MIGA2: variants seen among roughly 807,000 people sequenced by gnomAD.
MIGA2 encodes mitoguardin 2.
A neutral mutation model predicts 69.9 loss-of-function variants in MIGA2; 36 were observed. That is an observed-to-expected ratio of 0.52 (90% CI 0.39 to 0.68). The LOEUF (loss-of-function observed/expected upper bound fraction) is 0.68. Among genes scored for constraint, MIGA2 ranks in the 30% least tolerant of loss-of-function variants. The probability of loss-of-function intolerance (pLI) is 0.00; values close to 1 mark genes in which losing one functional copy is unlikely to be tolerated. For missense variants in MIGA2, 660 were observed against 787.7 expected (o/e 0.84, Z 1.94); for synonymous variants, 333 against 349.2 (o/e 0.95, Z 0.52).
In MIGA2 at chr9:129,069,119, G is replaced by A. The variant is rs1846524226; in HGVS notation, c.1448G>A (p.Arg483Lys). Residue 483 changes from arginine (R) to lysine (K), a missense_variant, in exon 14 of 16, where the codon AGG (arginine) becomes AAG (lysine). Physicochemically the swap from Arg to Lys is conservative, Grantham distance 26. Coordinates refer to ENST00000684074, the MANE Select transcript of MIGA2 (RefSeq NM_001329990.2). This position sits in a 1 kb window ranked among gnomAD's most constrained non-coding sequence, Gnocchi z 4.9. ...TGGTCGGTCCTGAAAGCCAAGAGGA[G>A]GCTGCTGATGGTGAGTGACTGGCAG... ...ACWSVLKAKR[R>K]LLMVPDGFIS... 2.5e-6 allele frequency: 4 copies of A among 1,613,900 alleles called. No homozygotes were observed. The highest frequency in any genetic ancestry group is 3.4e-6 in the Non-Finnish European group (4 of 1,179,984).
intron 3 of MIGA2, among the ~76,000 whole-genome samples, chr9:129,046,144 C>T (rs865993152): frequency 1.6e-4 from 25 of 152,042 alleles, no homozygotes; most frequent in Admixed American, 3.3e-4. Context: ...TGAGCCACTG[C>T]GCCCGGCCTA....
rs1177072456 is a variant in MIGA2, at chr9:129,060,788, C to G, written c.894+138C>G. On this transcript the variant is annotated intron_variant, in intron 8 of 15. Transcript: ENST00000684074. The surrounding 1 kb of genome is among the most constrained non-coding windows in gnomAD (Gnocchi z 4.8). ...GAATTTGGATGCTCCCACGGGCCTC[C>G]TCGAAGCTGTTGGGGATGGGGGGTG... 1.3e-6 allele frequency: 1 copy of G among 742,742 alleles called. No homozygotes were observed. The highest frequency in any genetic ancestry group is 1.8e-5 in the African/African-American group (1 of 56,544). 46.0% of individuals were successfully genotyped at this position (742,742 alleles called of 1,614,324 possible).
chr9:129,047,422 T>A (rs1267855403), intron 3 of MIGA2, among the ~76,000 whole-genome samples: 2 of 141,680 alleles, frequency 1.4e-5, no homozygotes, highest in Non-Finnish European at 3.0e-5. Context: ...TTTCATTAAA[T>A]TTTTTTTTTT....
chr9:129,066,576 A>C (rs1846356074), intron 11 of MIGA2, among the ~76,000 whole-genome samples: 1 of 147,446 alleles, frequency 6.8e-6, no homozygotes, highest in South Asian at 2.1e-4. Context: ...CGGGAGGCTG[A>C]GGCAGGAGAA....
chr9:129,063,750 G>A (rs1460956176), intron 11 of MIGA2, 119 bp downstream of exon 11: 9 of 909,440 alleles, frequency 9.9e-6, no homozygotes, highest in African/African-American at 1.7e-5. Context: ...CTCCTACTCC[G>A]TTCTGTAGAC....
In MIGA2 at chr9:129,051,301, C is replaced by T. The variant is rs192482100; in HGVS notation, c.675+1338C>T. ...ATTTATTTATTTTTTTTTTTGGAGA[C>T]GGAGTCTCACTCTGTTGCCAGGCTG... On this transcript the variant is annotated intron_variant, in intron 6 of 15. Coordinates refer to ENST00000684074, the MANE Select transcript of MIGA2 (RefSeq NM_001329990.2). 2.5e-4 allele frequency: 44 copies of T among 176,856 alleles called. No individual in the cohort carries two copies. The East Asian group carries it at 5.7e-3, about 23-fold the overall frequency. The allele number at this position is 176,856 out of a possible 1,614,324, so 11.0% of individuals were successfully genotyped here.
intron 11 of MIGA2, 24 bp downstream of exon 11, chr9:129,063,655 G>GGGGGGGGGCCC: frequency 1.5e-6 from 1 of 645,730 alleles, no homozygotes; most frequent in Non-Finnish European, 2.9e-6. Context: ...GGGTGGGGGG[G>GGGGGGGGGCCC]CAAATTATAA....
At chr9:129,049,601 C>T in intron 5 of MIGA2, 103 bp downstream of exon 5, 4 of 1,296,514 alleles carry the variant, frequency 3.1e-6, no homozygotes, top group Non-Finnish European at 4.4e-6. Flanking sequence ...CCTCACTACC[C>T]TGCCCCAAAT....
At chr9:129,066,470 C>A (rs767317555) in intron 11 of MIGA2, among the ~76,000 whole-genome samples, 16 of 151,744 alleles carry the variant, frequency 1.1e-4, no homozygotes, top group Non-Finnish European at 2.1e-4. Flanking sequence ...GTCAGGAGAT[C>A]AAGACCATCC....
chr9:129,046,989 G>A (rs1322829359), intron 3 of MIGA2: 1 of 151,784 alleles, frequency 6.6e-6, no homozygotes, highest in Non-Finnish European at 1.5e-5. Context: ...ATGTTGGCCA[G>A]GCTGGTCTTG....
chr9:129,050,574 T>G (rs1044086198), intron 6 of MIGA2, among the ~76,000 whole-genome samples: 1 of 137,094 alleles, frequency 7.3e-6, no homozygotes, highest in African/African-American at 2.7e-5. Context: ...TACCCAGCTG[T>G]TTTTTTTTTT....
rs889608910 is a variant in MIGA2, at chr9:129,060,223, C to T, written c.794-327C>T. ...CGGGGCCACACAGTTCAAGGTCCTC[C>T]CCCTGCAGAGCTTGGGCCTTCAGGC... On this transcript the variant is annotated intron_variant, in intron 7 of 15. Coordinates refer to ENST00000684074, the MANE Select transcript of MIGA2 (RefSeq NM_001329990.2). This position sits in a 1 kb window ranked among gnomAD's most constrained non-coding sequence, Gnocchi z 4.8. 1.3e-5 allele frequency among the ~76,000 whole-genome samples: 2 copies of T among 152,154 alleles called. No individual in the cohort carries two copies. Among genetic ancestry groups the T allele is most frequent in the Non-Finnish European group, 2.9e-5 (2 of 68,020 alleles).
intron 3 of MIGA2, among the ~76,000 whole-genome samples, chr9:129,045,757 A>G (rs2131349163): frequency 6.6e-6 from 1 of 152,272 alleles, no homozygotes; most frequent in Middle Eastern, 3.4e-3. Context: ...AAAAAATAAG[A>G]AGCAAAAGTC....
intron 6 of MIGA2, among the ~76,000 whole-genome samples, chr9:129,050,420 G>A (rs747507497): frequency 2.0e-5 from 3 of 151,974 alleles, no homozygotes; most frequent in Middle Eastern, 3.4e-3. Flanking sequence ...GATTATAGGC[G>A]CCCGCCACCA....
intron 3 of MIGA2, 45 bp from the exon 4 acceptor site, chr9:129,048,382 C>A (rs1845342599): frequency 1.3e-6 from 2 of 1,497,296 alleles, no homozygotes; most frequent in Admixed American, 1.7e-5. Flanking sequence ...CGTGTAAAGG[C>A]CACAGGGGAT....
At position 129,068,050 on chromosome 9, in the gene MIGA2, C is replaced by T; in HGVS notation, c.1270-148C>T. The T allele has an allele frequency of 1.5e-6, 2 of 1,303,000 alleles. No individual in the cohort carries two copies. The highest frequency in any genetic ancestry group is 1.9e-5 in the Admixed American group (1 of 53,682). 80.7% of individuals were successfully genotyped at this position (1,303,000 alleles called of 1,614,324 possible). Reference sequence around the variant, plus strand: ...GCAGAGGGAGGAATGGCCTCAGCTACACCCGTTGCACAGCAGAGCGGGAAA... The same window carrying T: ...GCAGAGGGAGGAATGGCCTCAGCTATACCCGTTGCACAGCAGAGCGGGAAA... On this transcript the variant is annotated intron_variant, in intron 12 of 15. Transcript: ENST00000684074. The surrounding 1 kb of genome is among the most constrained non-coding windows in gnomAD (Gnocchi z 4.1).
chr9:129,050,227 A>G (rs1290165905), intron 6 of MIGA2, among the ~76,000 whole-genome samples: 3 of 152,098 alleles, frequency 2.0e-5, no homozygotes, highest in African/African-American at 7.2e-5. Flanking sequence ...GCTGGAAGGG[A>G]AGGCGCCTCT....
chr9:129,060,796 T>G lies in MIGA2; in HGVS notation c.894+146T>G. On this transcript the variant is annotated intron_variant, in intron 8 of 15. Transcript: ENST00000684074. This position sits in a 1 kb window ranked among gnomAD's most constrained non-coding sequence, Gnocchi z 4.8. The stretch of plus-strand genomic sequence containing the variant: ...ATGCTCCCACGGGCCTCCTCGAAGC[T>G]GTTGGGGATGGGGGGTGCTGAGAAA... The G allele has an allele frequency of 1.9e-6, 1 of 530,480 alleles. No homozygotes were observed. Among genetic ancestry groups the G allele is most frequent in the Non-Finnish European group, 3.3e-6 (1 of 307,154 alleles). The allele number at this position is 530,480 out of a possible 1,614,324, so 32.9% of individuals were successfully genotyped here.
At chr9:129,049,717 C>A in intron 5 of MIGA2, 110 bp from the exon 6 acceptor site, 1 of 1,551,792 alleles carries the variant, frequency 6.4e-7, no homozygotes, top group Non-Finnish European at 8.8e-7. Flanking sequence ...CACACGGTCC[C>A]ACCCAGTTCT....
Sources: gnomAD v4.1 joint callset for allele counts (sites outside exome capture counted in the v4.1 genomes callset) on GRCh38, gnomAD v4.1.1 for gene constraint, Gnocchi (gnomAD v3.1) non-coding constraint, MANE v1.5 for transcripts, NCBI Gene and HGNC (gene_info 2026-07-23, HGNC 2026-07-21) for gene names.